Variants in CTNNA3 observed in about 807,000 individuals in gnomAD.
CTNNA3 encodes catenin alpha 3.
A neutral mutation model predicts 95.7 loss-of-function variants in CTNNA3; 76 were observed. The observed-to-expected ratio is 0.79, with a 90% CI of 0.66 to 0.96. CTNNA3 has a LOEUF of 0.96. Ranked by LOEUF, CTNNA3 falls within the 40% of genes least tolerant of loss-of-function variation. The pLI, the probability that CTNNA3 is intolerant of heterozygous loss-of-function variation, is 0.00. For synonymous variants in CTNNA3, 431 were observed against 374.4 expected (o/e 1.15, Z -1.74); for missense variants, 1,191 against 1,089.8 (o/e 1.09, Z -1.31).
intron 11 of CTNNA3, among the ~76,000 whole-genome samples, chr10:66,477,097 T>C (rs1379005420): frequency 6.6e-6 from 1 of 152,124 alleles, no homozygotes; most frequent in Non-Finnish European, 1.5e-5. Context: ...AAATTATATT[T>C]CATAATCTAT....
At chr10:67,726,793 ATATT>A (rs1564841477) in intron 1 of CTNNA3, among the ~76,000 whole-genome samples, 3,659 of 26,148 alleles carry the variant, frequency 0.14, 73 homozygotes, top group Middle Eastern at 0.27. Context: ...AATATATATG[ATATT>A]ATATACATCA....
intron 11 of CTNNA3, among the ~76,000 whole-genome samples, chr10:66,462,887 A>C (rs546768152): frequency 5.9e-4 from 90 of 152,268 alleles, no homozygotes; most frequent in African/African-American, 2.1e-3. Context: ...AGTAACATTT[A>C]TCTCCTATAA....
chr10:66,360,766 TCC>T lies in CTNNA3; in HGVS notation c.1732+18384_1732+18385del, dbSNP rs1160479791. On this transcript the variant is annotated intron_variant, in intron 12 of 17. Coordinates refer to ENST00000433211, the MANE Select transcript of CTNNA3 (RefSeq NM_013266.4). ...TTTCTTCCTTCCTTCCTTCCTTCCT[TCC>T]TTTTCTTTCTTTCTTTCTTCCTTCC... 4.3e-4 allele frequency among the ~76,000 whole-genome samples: 56 copies of T among 128,880 alleles called. 5 individuals carry two copies. The highest frequency in any genetic ancestry group is 2.6e-3 in the East Asian group (11 of 4,152). The allele number at this position is 128,880 out of a possible 152,430, so 84.6% of individuals were successfully genotyped here.
chr10:66,381,031 C>A (rs1464380222), intron 11 of CTNNA3, among the ~76,000 whole-genome samples: 1 of 152,106 alleles, frequency 6.6e-6, no homozygotes, highest in Non-Finnish European at 1.5e-5. Context: ...AGGACCTGAA[C>A]TCAGCTCTGC....
intron 5 of CTNNA3, among the ~76,000 whole-genome samples, chr10:67,251,701 T>A (rs952911475): frequency 2.0e-5 from 3 of 152,104 alleles, no homozygotes; most frequent in Non-Finnish European, 2.9e-5. Flanking sequence ...AGAGGCCAGG[T>A]CACGTTTGTC....
intron 9 of CTNNA3, among the ~76,000 whole-genome samples, chr10:66,751,278 T>TTCCACTTG (rs1399860517): frequency 6.6e-6 from 1 of 152,016 alleles, no homozygotes; most frequent in Non-Finnish European, 1.5e-5. Flanking sequence ...AAAAAAAAAT[T>TTCCACTTG]TCCACTTGTC....
intron 10 of CTNNA3, among the ~76,000 whole-genome samples, chr10:66,603,293 C>G (rs1279403797): frequency 1.3e-5 from 2 of 152,000 alleles, no homozygotes; most frequent in Non-Finnish European, 2.9e-5. Context: ...TGCAAACTAA[C>G]AGTGATCAAT....
intron 14 of CTNNA3, among the ~76,000 whole-genome samples, chr10:66,099,715 A>T (rs892569303): frequency 7.2e-5 from 11 of 152,202 alleles, no homozygotes; most frequent in Non-Finnish European, 1.5e-5. Flanking sequence ...CAAAATTTAA[A>T]GGAAAATTTG....
intron 7 of CTNNA3, among the ~76,000 whole-genome samples, chr10:66,986,892 G>A (rs137897864): frequency 2.0e-5 from 3 of 152,116 alleles, no homozygotes; most frequent in Non-Finnish European, 2.9e-5. Flanking sequence ...ATACAGAAGT[G>A]CACCAAATAG....
intron 13 of CTNNA3, among the ~76,000 whole-genome samples, chr10:66,208,013 T>C (rs1006627057): frequency 4.6e-5 from 7 of 152,132 alleles, no homozygotes; most frequent in African/African-American, 1.7e-4. Flanking sequence ...AACTACTCTG[T>C]CAGCATCAGT....
At chr10:66,736,868 A>G (rs1016710418) in intron 9 of CTNNA3, among the ~76,000 whole-genome samples, 1 of 152,202 alleles carries the variant, frequency 6.6e-6, no homozygotes, top group African/African-American at 2.4e-5. Context: ...TTTTAAAATC[A>G]CATTACTGTT....
At chr10:66,589,176 C>T (rs1345178599) in intron 10 of CTNNA3, among the ~76,000 whole-genome samples, 1 of 151,722 alleles carries the variant, frequency 6.6e-6, no homozygotes, top group Admixed American at 6.6e-5. Context: ...TATAAGAGGG[C>T]TTCCAGTGAT....
chr10:66,447,854 C>T (rs541226939), intron 11 of CTNNA3, among the ~76,000 whole-genome samples: 1 of 152,214 alleles, frequency 6.6e-6, no homozygotes, highest in Non-Finnish European at 1.5e-5. Flanking sequence ...AGAGCTTCTG[C>T]ACAGCAAAAG....
intron 7 of CTNNA3, among the ~76,000 whole-genome samples, chr10:66,978,027 T>A (rs572161912): frequency 6.7e-6 from 1 of 149,006 alleles, no homozygotes; most frequent in South Asian, 2.1e-4. Flanking sequence ...TAGTATAACA[T>A]CATGAGTGAA....
At chr10:67,583,930 C>T (rs191085805) in intron 3 of CTNNA3, among the ~76,000 whole-genome samples, 2 of 152,256 alleles carry the variant, frequency 1.3e-5, no homozygotes, top group Non-Finnish European at 2.9e-5. Flanking sequence ...AAGGTCTTCT[C>T]TATGCTGCTT....
intron 5 of CTNNA3, among the ~76,000 whole-genome samples, chr10:67,453,898 A>C (rs1847079200): frequency 6.6e-6 from 1 of 152,218 alleles, no homozygotes. Context: ...GTTTCTTGAC[A>C]ATGTGGATAG....
intron 9 of CTNNA3, among the ~76,000 whole-genome samples, chr10:66,720,827 T>C (rs994938809): frequency 6.6e-5 from 10 of 151,906 alleles, no homozygotes; most frequent in Admixed American, 5.2e-4. Flanking sequence ...AGAGAGACCC[T>C]GTCTCAAAAA....
chr10:66,565,800 T>C (rs937605705), intron 10 of CTNNA3, among the ~76,000 whole-genome samples: 4 of 152,184 alleles, frequency 2.6e-5, no homozygotes, highest in African/African-American at 9.6e-5. Context: ...TCCTTGTGAA[T>C]AAACATTTTC....
chr10:66,080,228 A>G (rs915378597), intron 14 of CTNNA3, among the ~76,000 whole-genome samples: 1 of 152,100 alleles, frequency 6.6e-6, no homozygotes, highest in Admixed American at 6.6e-5. Context: ...ATCTCGATCT[A>G]CTGCATTCAT....
Sources: gnomAD v4.1 joint callset for allele counts (sites outside exome capture counted in the v4.1 genomes callset) on GRCh38, gnomAD v4.1.1 for gene constraint, MANE v1.5 for transcripts, NCBI Gene and HGNC (gene_info 2026-07-23, HGNC 2026-07-21) for gene names.